Variants in ZNF541 observed in about 807,000 individuals in gnomAD.
ZNF541 encodes zinc finger protein 541.
ZNF541 carries 23 observed loss-of-function variants against 123.5 expected under a neutral mutation model. That is an observed-to-expected ratio of 0.19 (90% CI 0.13 to 0.26). ZNF541 has a LOEUF of 0.26. ZNF541 is among the 10% of genes least tolerant of loss of function. The pLI is 1.00. For missense variants in ZNF541, 1,612 were observed against 1,789.9 expected (o/e 0.90, Z 1.79); for synonymous variants, 751 against 754.5 (o/e 1.00, Z 0.08).
chr19:47,557,184 T>C (rs999819335), intron 2 of ZNF541, among the ~76,000 whole-genome samples: 25 of 152,280 alleles, frequency 1.6e-4, no homozygotes, highest in Non-Finnish European at 3.2e-4. Flanking sequence ...TTCTGTATTA[T>C]CAAATGCTGC....
intron 14 of ZNF541, 22 bp downstream of exon 14, chr19:47,528,928 C>T (rs1283793730): frequency 1.9e-6 from 3 of 1,542,266 alleles, no homozygotes; most frequent in East Asian, 4.9e-5. Context: ...GGGCCTTGGA[C>T]ACCAGCCCAC....
chr19:47,532,991 A>G lies in ZNF541; in HGVS notation c.3095-19T>C, dbSNP rs1204032341. The G allele has an allele frequency of 6.5e-7, 1 of 1,545,284 alleles. No homozygotes were observed. Among genetic ancestry groups the G allele is most frequent in the African/African-American group, 1.4e-5 (1 of 72,622 alleles). On this transcript the variant is annotated intron_variant, in intron 9 of 16. Transcript: ENST00000391901. ...ACTTGATCTAGAAAGCACAGAGTGA[A>G]AAGGCTCAAGAAGACAGACAGCAGG... is the stretch of plus-strand genomic sequence containing the variant.
At position 47,521,832 on chromosome 19, in the gene ZNF541, G is replaced by A. The variant is rs976868088; in HGVS notation, c.3711+22C>T. On this transcript the variant is annotated intron_variant, in intron 15 of 16. Coordinates refer to ENST00000391901, the MANE Select transcript of ZNF541 (RefSeq NM_001277075.3). The surrounding 1 kb of genome is among the most constrained non-coding windows in gnomAD (Gnocchi z 4.2). ...GCACTGGGAGGAGAGAAGAGCTCCC[G>A]ACACAGCCCTGGTTCCTCTACCTTT... 7.1e-6 allele frequency: 11 copies of A among 1,548,460 alleles called. No homozygotes were observed. Among genetic ancestry groups the A allele is most frequent in the Non-Finnish European group, 9.6e-6 (11 of 1,144,902 alleles).
chr19:47,563,938 A>G (rs531852595), intron 2 of ZNF541, among the ~76,000 whole-genome samples: 2 of 152,252 alleles, frequency 1.3e-5, no homozygotes, highest in East Asian at 1.9e-4. Flanking sequence ...CTTTCTCCAC[A>G]TCGGGTATCA....
intron 9 of ZNF541, among the ~76,000 whole-genome samples, chr19:47,535,419 G>A (rs533738240): frequency 1.3e-5 from 2 of 152,314 alleles, no homozygotes; most frequent in South Asian, 4.1e-4. Context: ...CACCTACTAG[G>A]ATGGTTATAC....
intron 2 of ZNF541, among the ~76,000 whole-genome samples, chr19:47,562,903 C>T (rs557811687): frequency 6.6e-6 from 1 of 152,252 alleles, no homozygotes; most frequent in South Asian, 2.1e-4. Context: ...GGGTTACTTC[C>T]ATTTGGGGGC....
In ZNF541 at chr19:47,549,299, T is replaced by C; in HGVS notation, c.494A>G (p.Glu165Gly). 1 of 1,551,922 alleles carries C rather than the reference T, an allele frequency of 6.4e-7. No individual in the cohort carries two copies. Among genetic ancestry groups the C allele is most frequent in the Non-Finnish European group, 8.7e-7 (1 of 1,147,038 alleles). The change falls in exon 4 of 17, where the codon GAA (glutamate) becomes GGA (glycine). Residue 165 changes from glutamate to glycine, a missense_variant. Physicochemically the swap from Glu to Gly is moderately conservative, Grantham distance 98. Around this residue, in one of 5 missense-constraint regions of ZNF541, gnomAD observed 212 missense variants for 289.6 expected, o/e 0.73. Transcript: ENST00000391901. ...GCAGATTTTGCAGACGTGCTTCCTTTCCTGGCTGTGTGTCAGGTAGTGCTT... is the reference window on the plus strand; with the variant it reads ...GCAGATTTTGCAGACGTGCTTCCTTCCCTGGCTGTGTGTCAGGTAGTGCTT... The part of the protein sequence containing the change: ...LSKHYLTHSQ[E>G]RKHVCKICSK...
At chr19:47,533,461 A>C in intron 9 of ZNF541, among the ~76,000 whole-genome samples, 1 of 151,718 alleles carries the variant, frequency 6.6e-6, no homozygotes, top group South Asian at 2.1e-4. Flanking sequence ...TTAACTCATG[A>C]CAAGTATACG....
At chr19:47,531,533 C>G (rs893096156) in intron 12 of ZNF541, 109 bp downstream of exon 12, 9 of 802,520 alleles carry the variant, frequency 1.1e-5, no homozygotes, top group Non-Finnish European at 1.7e-5. Context: ...GGATGGGCGG[C>G]CTTCTTCCAG....
At chr19:47,549,604 C>G in intron 3 of ZNF541, 119 bp from the exon 4 acceptor site, 2 of 1,420,334 alleles carry the variant, frequency 1.4e-6, no homozygotes, top group Admixed American at 4.5e-5. Flanking sequence ...CGCGAGAACT[C>G]TTGCTCCACA....
Position 47,540,928 on chromosome 19 carries a change from G to C in ZNF541, c.2427C>G (p.Pro809=), listed in dbSNP as rs1211485320. ...CCACATTCTCTTCCTTCACCGGATG[G>C]GGGAGCCTGTAGATGTTTCCACCCT... ...RIQGGNIYRL[P]HPVKEENVAG... Residue 809 remains proline (P), a synonymous_variant, in exon 6 of 17, where the codon CCC becomes CCG. Transcript: ENST00000391901. 5.2e-6 allele frequency: 8 copies of C among 1,550,952 alleles called. No homozygotes were observed. The highest frequency in any genetic ancestry group is 2.4e-5 in the South Asian group (2 of 83,836).
chr19:47,532,307 A>C (rs1488864313), intron 10 of ZNF541, 37 bp from the exon 11 acceptor site: 2 of 1,547,752 alleles, frequency 1.3e-6, no homozygotes, highest in East Asian at 2.4e-5. Flanking sequence ...GGAGACGTAC[A>C]AACATGACTG....
intron 2 of ZNF541, among the ~76,000 whole-genome samples, chr19:47,556,780 T>G (rs1355837213): frequency 6.8e-6 from 1 of 147,090 alleles, no homozygotes; most frequent in African/African-American, 2.6e-5. Context: ...TTTTTTGAGA[T>G]GGAGTCTCAT....
Position 47,559,722 on chromosome 19 carries a change from C to T in ZNF541, c.-98-3768G>A, listed in dbSNP as rs1162618872. Among the ~76,000 whole-genome samples, 8 of 151,920 alleles carry T rather than the reference C, an allele frequency of 5.3e-5. No individual in the cohort carries two copies. In the East Asian group the frequency reaches 5.8e-4, roughly 11 times the overall value. On this transcript the variant is annotated intron_variant, in intron 2 of 16. Coordinates refer to ENST00000391901, the MANE Select transcript of ZNF541 (RefSeq NM_001277075.3). ...AAAGTTAGCTGGGTGTGGTAGTGCA[C>T]GCCTGTAGTCCCAGCTACTTGCGAG...
intron 14 of ZNF541, among the ~76,000 whole-genome samples, chr19:47,523,089 CTTTTTTTTT>C (rs886403433): frequency 2.8e-5 from 4 of 143,026 alleles, no homozygotes; most frequent in African/African-American, 1.0e-4. Flanking sequence ...GAGCGAGTAT[CTTTTTTTTT>C]TTTCACTGCA....
intron 9 of ZNF541, among the ~76,000 whole-genome samples, chr19:47,535,204 C>G (rs1455768349): frequency 1.3e-5 from 2 of 152,186 alleles, no homozygotes; most frequent in Non-Finnish European, 2.9e-5. Flanking sequence ...CCGCCTGCCT[C>G]GGCTTCCCAA....
At position 47,545,490 on chromosome 19, in the gene ZNF541, T is replaced by C; in HGVS notation, c.1039A>G (p.Thr347Ala). Residue 347 changes from threonine to alanine, a missense_variant, in exon 5 of 17, where the codon ACT becomes GCT. Around this residue, in one of 5 missense-constraint regions of ZNF541, gnomAD observed 1,080 missense variants for 1,013.8 expected, o/e 1.07. Coordinates refer to ENST00000391901, the MANE Select transcript of ZNF541 (RefSeq NM_001277075.3). The surrounding 1 kb of genome is among the most constrained non-coding windows in gnomAD (Gnocchi z 7.5). ...EPCLPQKEPA[T>A]DVFTAPNSRA... ...GAATTAGGGGCTGTGAACACGTCAG[T>C]GGCCGGCTCTTTCTGTGGGAGGCAA... is the stretch of plus-strand genomic sequence containing the variant. The C allele has an allele frequency of 2.0e-6, 3 of 1,493,800 alleles. No homozygotes were observed. The highest frequency in any genetic ancestry group is 1.3e-5 in the South Asian group (1 of 75,192). The allele number at this position is 1,493,800 out of a possible 1,614,324, so 92.5% of individuals were successfully genotyped here.
chr19:47,525,242 G>A (rs532434425), intron 14 of ZNF541, among the ~76,000 whole-genome samples: 6 of 150,274 alleles, frequency 4.0e-5, no homozygotes, highest in African/African-American at 7.4e-5. Context: ...TGAAGAGCGC[G>A]CCACTGCACT....
In ZNF541 at chr19:47,545,117, G is replaced by A; in HGVS notation, c.1412C>T (p.Ala471Val). 6.7e-7 allele frequency: 1 copy of A among 1,483,088 alleles called. No homozygotes were observed. The allele number at this position is 1,483,088 out of a possible 1,614,324, so 91.9% of individuals were successfully genotyped here. Residue 471 changes from alanine to valine, a missense_variant, in exon 5 of 17, where the codon GCT (alanine) becomes GTT (valine). Physicochemically the swap from Ala to Val is moderately conservative, Grantham distance 64. Transcript: ENST00000391901. The surrounding 1 kb of genome is among the most constrained non-coding windows in gnomAD (Gnocchi z 7.5). ...PPGPGGGLED[A>V]LPFPAALLRV... is the part of the protein sequence containing the mutation. Reference sequence around the variant, plus strand: ...GAGGAGCGCGGCAGGGAAGGGCAGAGCATCCTCCAGGCCACCGCCGGGGCC... The same window carrying A: ...GAGGAGCGCGGCAGGGAAGGGCAGAACATCCTCCAGGCCACCGCCGGGGCC...
Sources: gnomAD v4.1 joint callset for allele counts (sites outside exome capture counted in the v4.1 genomes callset) on GRCh38, gnomAD v4.1.1 for gene constraint, gnomAD v4.1.1 regional missense constraint, Gnocchi (gnomAD v3.1) non-coding constraint, MANE v1.5 for transcripts, NCBI Gene and HGNC (gene_info 2026-07-23, HGNC 2026-07-21) for gene names.